PWP1: variants seen among roughly 807,000 people sequenced by gnomAD.
PWP1 encodes periodic tryptophan protein 1 homolog.
A neutral mutation model predicts 69.9 loss-of-function variants in PWP1; 47 were observed. The ratio of observed to expected loss-of-function variants is 0.67; its 90% confidence interval spans 0.53 to 0.86. The LOEUF is 0.86. PWP1 is among the 40% of genes least tolerant of loss of function. PWP1 has a pLI of 0.00. For synonymous variants in PWP1, 222 were observed against 208.2 expected, an observed-to-expected ratio of 1.07 and a Z score of -0.57; for missense variants, 551 against 608.8, an observed-to-expected ratio of 0.91 and a Z score of 1.00.
rs35371581 is a variant in PWP1 at position 107,710,552 on chromosome 12, TAAAAAAAAAAAA to T, written c.1396+52_1396+63del. ...CTCTGCACACCTCCCCCTGCCCCTG[TAAAAAAAAAAAA>T]AAAAAAAAAGACAGGGTCTCACCAT... is the stretch of plus-strand genomic sequence containing the variant. On this transcript the variant is annotated intron_variant, in intron 14 of 14. Coordinates refer to ENST00000412830, the MANE Select transcript of PWP1 (RefSeq NM_007062.3). The T allele has an allele frequency of 1.2e-5, 14 of 1,158,120 alleles. 1 individual carries two copies. Among genetic ancestry groups the T allele is most frequent in the South Asian group, 7.2e-5 (4 of 55,900 alleles). The allele number at this position is 1,158,120 out of a possible 1,614,324, so 71.7% of individuals were successfully genotyped here.
At chr12:107,705,399 C>A (rs1344448303) in intron 11 of PWP1, among the ~76,000 whole-genome samples, 1 of 148,562 alleles carries the variant, frequency 6.7e-6, no homozygotes, top group East Asian at 2.0e-4. Context: ...AATTTAAGTT[C>A]TAGGATACAT....
At chr12:107,702,771 C>G (rs1889738395) in intron 8 of PWP1, among the ~76,000 whole-genome samples, 164 bp from the exon 9 acceptor site, 1 of 152,188 alleles carries the variant, frequency 6.6e-6, no homozygotes, top group Non-Finnish European at 1.5e-5. Flanking sequence ...TGTTTCCTTT[C>G]ATAATCTTCG....
At chr12:107,696,628 G>A (rs778722765) in intron 6 of PWP1, 44 bp downstream of exon 6, 2 of 1,609,988 alleles carry the variant, frequency 1.2e-6, no homozygotes, top group East Asian at 4.5e-5. Context: ...CCAGTCTTAT[G>A]TATTTTCTCC....
intron 11 of PWP1, among the ~76,000 whole-genome samples, chr12:107,705,254 T>A (rs1282339507): frequency 6.6e-6 from 1 of 152,172 alleles, no homozygotes; most frequent in African/African-American, 2.4e-5. Flanking sequence ...AAGATTCCAC[T>A]GACATTTCAG....
chr12:107,688,555 G>A (rs1396366146), intron 2 of PWP1, 49 bp downstream of exon 2: 1 of 1,610,386 alleles, frequency 6.2e-7, no homozygotes, highest in South Asian at 1.1e-5. Flanking sequence ...TGATGACCAT[G>A]TGGTCTTGTT....
In PWP1 at chr12:107,708,910, CT is replaced by C. The variant is rs1270406410; in HGVS notation, c.1078-12del. The stretch of plus-strand genomic sequence containing the variant: ...TGTGACGTAGCATGACCTTGCCCAT[CT>C]TTTACTCTTTCTAGGCCAGTACAGA... On this transcript the variant is annotated splice_polypyrimidine_tract_variant and intron_variant, in intron 11 of 14. Coordinates refer to ENST00000412830, the MANE Select transcript of PWP1 (RefSeq NM_007062.3). 9.3e-6 allele frequency: 15 copies of C among 1,609,748 alleles called. No individual in the cohort carries two copies. The highest frequency in any genetic ancestry group is 1.3e-5 in the Non-Finnish European group (15 of 1,177,556).
At chr12:107,704,185 C>T (rs1227351861) in intron 10 of PWP1, among the ~76,000 whole-genome samples, 1 of 152,154 alleles carries the variant, frequency 6.6e-6, no homozygotes, top group Non-Finnish European at 1.5e-5. Context: ...ATTTCTTATC[C>T]TCTTGAAGCA....
chr12:107,693,657 T>C (rs1160472846), intron 5 of PWP1, among the ~76,000 whole-genome samples: 1 of 152,156 alleles, frequency 6.6e-6, no homozygotes, highest in Non-Finnish European at 1.5e-5. Context: ...CTCGAGCCCA[T>C]GAGTTCTAGG....
intron 8 of PWP1, among the ~76,000 whole-genome samples, chr12:107,699,819 C>T (rs35612314): frequency 0.29 from 44,345 of 152,126 alleles, 8,119 homozygotes; most frequent in Middle Eastern, 0.42. Flanking sequence ...TGGCAAAATA[C>T]ATATAACATA....
intron 3 of PWP1, 41 bp from the exon 4 acceptor site, chr12:107,692,773 A>G (rs752794889): frequency 3.3e-6 from 5 of 1,496,264 alleles, no homozygotes; most frequent in Non-Finnish European, 4.6e-6. Flanking sequence ...TTTTGTCAAG[A>G]TGACTATTTT....
chr12:107,703,779 T>C lies in PWP1; in HGVS notation c.965+33T>C, dbSNP rs759717132. 34 of 1,550,776 alleles carry C rather than the reference T, an allele frequency of 2.2e-5. 1 individual carries two copies. The Middle Eastern group carries it at 5.0e-4, about 23-fold the overall frequency. On this transcript the variant is annotated intron_variant, in intron 10 of 14. Coordinates refer to ENST00000412830, the MANE Select transcript of PWP1 (RefSeq NM_007062.3). ...AGCACAGCAAGAATGATTGCTACTC[T>C]GTTTTTATCCTCTAGAAGTCATTTT...
chr12:107,702,821 A>T, intron 8 of PWP1, 114 bp from the exon 9 acceptor site: 1 of 690,918 alleles, frequency 1.4e-6, no homozygotes, highest in South Asian at 1.6e-5. Flanking sequence ...CTTTTGTTAA[A>T]TTTATTCCTA....
chr12:107,685,852 C>T lies in PWP1; in HGVS notation c.-48C>T. On this transcript the variant is annotated 5_prime_UTR_variant, in exon 1 of 15. Coordinates refer to ENST00000412830, the MANE Select transcript of PWP1 (RefSeq NM_007062.3). ...TGGCAGCAGTGCGGTCGTGGTCCCT[C>T]CCTATGCAGCCTGGTTTCTAGCGTG... 2 of 1,605,210 alleles carry T rather than the reference C, an allele frequency of 1.2e-6. No individual in the cohort carries two copies. Among genetic ancestry groups the T allele is most frequent in the Non-Finnish European group, 1.7e-6 (2 of 1,172,558 alleles).
At chr12:107,703,485 C>T (rs1889753551) in intron 9 of PWP1, among the ~76,000 whole-genome samples, 200 bp from the exon 10 acceptor site, 1 of 152,212 alleles carries the variant, frequency 6.6e-6, no homozygotes, top group African/African-American at 2.4e-5. Flanking sequence ...GGGGAAACTA[C>T]ATTTTCTTTA....
In PWP1 at chr12:107,703,748, T is replaced by A; in HGVS notation, c.965+2T>A. The stretch of plus-strand genomic sequence containing the variant: ...TCTGATTTCTGGCTCATATGATAAG[T>A]AAGAAAGCACAGCAAGAATGATTGC... On this transcript the variant is annotated splice_donor_variant, in intron 10 of 14. Transcript: ENST00000412830. LOFTEE classifies it high-confidence loss of function. 6.3e-7 allele frequency: 1 copy of A among 1,591,502 alleles called. No individual in the cohort carries two copies. Among genetic ancestry groups the A allele is most frequent in the Non-Finnish European group, 8.6e-7 (1 of 1,159,486 alleles).
At chr12:107,696,154 T>C (rs1402738383) in intron 5 of PWP1, among the ~76,000 whole-genome samples, 1 of 148,820 alleles carries the variant, frequency 6.7e-6, no homozygotes, top group Non-Finnish European at 1.5e-5. Context: ...TGCCTCAGCC[T>C]CCCTAGTAGC....
At chr12:107,701,813 G>T (rs936059187) in intron 8 of PWP1, among the ~76,000 whole-genome samples, 2 of 152,134 alleles carry the variant, frequency 1.3e-5, no homozygotes, top group South Asian at 4.1e-4. Flanking sequence ...GAGTAGCTGG[G>T]ATTACTGGTG....
At chr12:107,692,775 G>T (rs547489646) in intron 3 of PWP1, 39 bp from the exon 4 acceptor site, 2 of 1,502,472 alleles carry the variant, frequency 1.3e-6, no homozygotes, top group African/African-American at 2.8e-5. Context: ...TTGTCAAGAT[G>T]ACTATTTTAT....
At chr12:107,705,179 T>C (rs144931576) in intron 11 of PWP1, among the ~76,000 whole-genome samples, 2,179 of 152,176 alleles carry the variant, frequency 0.014, 31 homozygotes, top group Non-Finnish European at 0.023. Context: ...GGAAAAAAAG[T>C]ATAAGACCTC....
Sources: allele counts gnomAD v4.1 joint callset (sites outside exome capture counted in the v4.1 genomes callset), GRCh38; gene constraint gnomAD v4.1.1; transcripts MANE v1.5; gene names NCBI Gene and HGNC (gene_info 2026-07-23, HGNC 2026-07-21).